RABGAP1L: variants seen among roughly 807,000 people sequenced by gnomAD.
RABGAP1L encodes the protein rab GTPase-activating protein 1-like.
In RABGAP1L, 63 loss-of-function variants were observed where a neutral mutation model predicts 137.7. The observed-to-expected ratio is 0.46, with a 90% confidence interval of 0.37 to 0.56. The LOEUF is 0.56. RABGAP1L is among the 20% of genes least tolerant of loss of function. The pLI, the probability that RABGAP1L is intolerant of heterozygous loss-of-function variation, is 0.00. For missense variants in RABGAP1L, 1,095 were observed against 1,244.0 expected, an observed-to-expected ratio of 0.88 and a Z score of 1.80; for synonymous variants, 431 against 433.7, an observed-to-expected ratio of 0.99 and a Z score of 0.08.
chr1:174,286,266 T>G (rs536803473), intron 10 of RABGAP1L, among the ~76,000 whole-genome samples: 3 of 152,290 alleles, frequency 2.0e-5, no homozygotes, highest in African/African-American at 7.2e-5. Context: ...TCTGTTCAGA[T>G]TTTCTGTTTC....
At chr1:174,904,036 T>TC (rs1658606865) in intron 19 of RABGAP1L, among the ~76,000 whole-genome samples, 1 of 150,910 alleles carries the variant, frequency 6.6e-6, no homozygotes, top group Non-Finnish European at 1.5e-5. Flanking sequence ...CACTCTCCCC[T>TC]CCCCCCACAG....
chr1:174,919,084 T>C (rs1358410944), intron 19 of RABGAP1L, among the ~76,000 whole-genome samples: 1 of 151,444 alleles, frequency 6.6e-6, no homozygotes, highest in Non-Finnish European at 1.5e-5. Context: ...AATGGCACGA[T>C]CTCGGCTCAC....
chr1:174,946,956 G>A (rs1387587631), intron 19 of RABGAP1L, among the ~76,000 whole-genome samples: 3 of 119,812 alleles, frequency 2.5e-5, no homozygotes, highest in Non-Finnish European at 3.5e-5. Flanking sequence ...GTGTGTGTGT[G>A]TGTGTGTGTG....
intron 13 of RABGAP1L, among the ~76,000 whole-genome samples, chr1:174,439,884 G>A (rs1467988939): frequency 2.6e-5 from 4 of 152,218 alleles, no homozygotes; most frequent in Admixed American, 2.0e-4. Flanking sequence ...CTCCTCATGG[G>A]ACTTGTAATC....
rs535184589 is a variant in RABGAP1L, at chr1:174,869,856, C to G, written c.2340+57896C>G. The stretch of plus-strand genomic sequence containing the variant: ...ATGTAAGGACACAGAGAGAAGACCT[C>G]TGCCTGTGACTAGAAAACACGCTCC... On this transcript the variant is annotated intron_variant, in intron 19 of 25. Transcript: ENST00000681986. Among the ~76,000 whole-genome samples, 3 of 152,218 alleles carry G rather than the reference C, an allele frequency of 2.0e-5. 1 individual carries two copies. In the South Asian group the frequency reaches 6.2e-4, roughly 32 times the overall value.
Position 174,655,608 on chromosome 1 carries a change from C to G in RABGAP1L, c.1824+18120C>G, listed in dbSNP as rs1041619709. Among the ~76,000 whole-genome samples the G allele has an allele frequency of 3.3e-5, 5 of 152,288 alleles. No individual in the cohort carries two copies. In the South Asian group the frequency reaches 6.2e-4, roughly 19 times the overall value. On this transcript the variant is annotated intron_variant, in intron 14 of 25. Transcript: ENST00000681986. ...CTCCACGATGAAATTACTCTTTTCCCCATTGTAATTAATAGGTATTTTGTG... is the reference window on the plus strand; with the variant it reads ...CTCCACGATGAAATTACTCTTTTCCGCATTGTAATTAATAGGTATTTTGTG...
chr1:174,256,370 C>A (rs1673122416), intron 7 of RABGAP1L, among the ~76,000 whole-genome samples: 1 of 152,026 alleles, frequency 6.6e-6, no homozygotes, highest in South Asian at 2.1e-4. Context: ...AGCCATCTGT[C>A]CCTTGATGAT....
chr1:174,195,272 G>C (rs1428567531), intron 1 of RABGAP1L, among the ~76,000 whole-genome samples: 1 of 152,100 alleles, frequency 6.6e-6, no homozygotes, highest in Non-Finnish European at 1.5e-5. Flanking sequence ...TGGCCCTTCC[G>C]AATATCCATT....
intron 15 of RABGAP1L, among the ~76,000 whole-genome samples, chr1:174,696,123 C>T (rs1679238784): frequency 6.6e-6 from 1 of 151,992 alleles, no homozygotes; most frequent in Non-Finnish European, 1.5e-5. Context: ...TTATTCAAGG[C>T]CCCAGGGTCT....
chr1:174,698,339 TAA>T (rs1679408349), intron 15 of RABGAP1L, among the ~76,000 whole-genome samples: 1 of 152,198 alleles, frequency 6.6e-6, no homozygotes, highest in Non-Finnish European at 1.5e-5. Flanking sequence ...CCTGTTCAGA[TAA>T]AAATACCTCT....
chr1:174,504,976 G>C (rs1296243988), intron 13 of RABGAP1L, among the ~76,000 whole-genome samples: 1 of 152,082 alleles, frequency 6.6e-6, no homozygotes, highest in Admixed American at 6.6e-5. Flanking sequence ...CATCTGATAA[G>C]GGGTTAATAT....
intron 11 of RABGAP1L, among the ~76,000 whole-genome samples, chr1:174,338,014 ATG>A (rs1162192827): frequency 2.0e-5 from 3 of 152,176 alleles, no homozygotes; most frequent in Non-Finnish European, 4.4e-5. Context: ...TACATGCCAA[ATG>A]TGTGGCTTAG....
chr1:174,584,729 G>T (rs1668989036), intron 13 of RABGAP1L, among the ~76,000 whole-genome samples: 1 of 152,146 alleles, frequency 6.6e-6, no homozygotes, highest in Non-Finnish European at 1.5e-5. Context: ...ATGTTTAGTT[G>T]TGAGGCCAAT....
intron 13 of RABGAP1L, among the ~76,000 whole-genome samples, chr1:174,405,904 G>A (rs1422028476): frequency 6.6e-6 from 1 of 151,984 alleles, no homozygotes. Flanking sequence ...CTTGAGCCCG[G>A]GAGGCAGAGG....
At position 174,543,489 on chromosome 1, in the gene RABGAP1L, C is replaced by A. The variant is rs551484823; in HGVS notation, c.1711-93886C>A. Reference sequence around the variant, plus strand: ...TCTTTATTTTGAGCCTATGTGTTTCCCTGCCTGTGAGATGGGTTTCCTGAA... The same window carrying A: ...TCTTTATTTTGAGCCTATGTGTTTCACTGCCTGTGAGATGGGTTTCCTGAA... On this transcript the variant is annotated intron_variant, in intron 13 of 25. Coordinates refer to ENST00000681986, the MANE Select transcript of RABGAP1L (RefSeq NM_001366446.1). Among the ~76,000 whole-genome samples the A allele has an allele frequency of 2.0e-5, 3 of 152,078 alleles. No homozygotes were observed. In the East Asian group the frequency reaches 5.8e-4, roughly 29 times the overall value.
intron 13 of RABGAP1L, among the ~76,000 whole-genome samples, chr1:174,407,193 T>G (rs1341881237): frequency 1.3e-5 from 2 of 152,188 alleles, no homozygotes. Context: ...CCCAACATGT[T>G]ATACATTTCT....
chr1:174,934,625 C>A (rs6671782), intron 19 of RABGAP1L, among the ~76,000 whole-genome samples: 55,899 of 151,616 alleles, frequency 0.37, 13,493 homozygotes, highest in African/African-American at 0.69. Context: ...CCTCATCTCC[C>A]CAAAAAAATA....
At chr1:174,738,698 A>G (rs548427409) in intron 17 of RABGAP1L, among the ~76,000 whole-genome samples, 1 of 152,198 alleles carries the variant, frequency 6.6e-6, no homozygotes, top group Non-Finnish European at 1.5e-5. Flanking sequence ...TGAAACTGTG[A>G]TATGGATCTT....
intron 1 of RABGAP1L, among the ~76,000 whole-genome samples, chr1:174,173,475 A>G (rs1300102257): frequency 2.6e-5 from 4 of 152,124 alleles, no homozygotes; most frequent in African/African-American, 9.7e-5. Context: ...GTGGCTTACT[A>G]TTACATTATT....
Sources: allele counts gnomAD v4.1 joint callset (sites outside exome capture counted in the v4.1 genomes callset), GRCh38; gene constraint gnomAD v4.1.1; transcripts MANE v1.5; gene names NCBI Gene and HGNC (gene_info 2026-07-23, HGNC 2026-07-21).